INTS4: variants seen among roughly 807,000 people sequenced by gnomAD.
INTS4 encodes the protein integrator complex subunit 4.
A neutral mutation model predicts 119.5 loss-of-function variants in INTS4; 70 were observed. The observed-to-expected ratio is 0.59, with a 90% CI of 0.48 to 0.71. INTS4 has a LOEUF of 0.71. Among genes scored for constraint, INTS4 ranks in the 30% least tolerant of loss-of-function variants. The pLI, the probability that INTS4 is intolerant of heterozygous loss-of-function variation, is 0.00. For synonymous variants in INTS4, 316 were observed against 419.6 expected, an observed-to-expected ratio of 0.75 and a Z score of 3.02; for missense variants, 867 against 1,173.2, an observed-to-expected ratio of 0.74 and a Z score of 3.81.
At chr11:77,894,504 G>A (rs975112036) in intron 18 of INTS4, among the ~76,000 whole-genome samples, 155 bp from the exon 19 acceptor site, 4 of 152,156 alleles carry the variant, frequency 2.6e-5, no homozygotes, top group Admixed American at 2.6e-4. Flanking sequence ...AATGGACCTG[G>A]GGGAAACACC....
intron 21 of INTS4, among the ~76,000 whole-genome samples, chr11:77,887,779 CAG>C (rs1343093969): frequency 6.6e-6 from 1 of 152,194 alleles, no homozygotes; most frequent in Non-Finnish European, 1.5e-5. Flanking sequence ...ACGCCAATAA[CAG>C]ACAAACAGAG....
chr11:77,892,969 C>T (rs535838460), intron 19 of INTS4, among the ~76,000 whole-genome samples: 3 of 152,262 alleles, frequency 2.0e-5, no homozygotes, highest in South Asian at 4.1e-4. Context: ...TGCAACTCAG[C>T]CCTGTAAGAA....
chr11:77,959,547 C>T (rs376247311), intron 6 of INTS4, among the ~76,000 whole-genome samples: 2 of 152,156 alleles, frequency 1.3e-5, no homozygotes, highest in South Asian at 4.2e-4. Context: ...AACTAACTTC[C>T]CTTCCTCTGA....
chr11:77,936,433 A>G (rs1418404141), intron 10 of INTS4, among the ~76,000 whole-genome samples: 1 of 152,044 alleles, frequency 6.6e-6, no homozygotes, highest in Non-Finnish European at 1.5e-5. Flanking sequence ...CCCAGACTGG[A>G]GTGCACTTGT....
intron 4 of INTS4, among the ~76,000 whole-genome samples, chr11:77,967,581 C>G (rs117342389): frequency 2.0e-5 from 3 of 152,120 alleles, no homozygotes; most frequent in African/African-American, 7.2e-5. Flanking sequence ...TAATCAAAAC[C>G]TGGCAGACAC....
chr11:77,951,258 C>T (rs1369935574), intron 8 of INTS4, among the ~76,000 whole-genome samples: 1 of 152,074 alleles, frequency 6.6e-6, no homozygotes, highest in Non-Finnish European at 1.5e-5. Flanking sequence ...ATTGCTGGGT[C>T]AAATGGTATT....
intron 15 of INTS4, among the ~76,000 whole-genome samples, chr11:77,911,891 C>T (rs544525244): frequency 6.6e-6 from 1 of 152,318 alleles, no homozygotes; most frequent in South Asian, 2.1e-4. Flanking sequence ...ATTTAAGTGG[C>T]TTGCCTAAGG....
At chr11:77,991,427 T>C in intron 1 of INTS4, 128 bp from the exon 2 acceptor site, 1 of 764,074 alleles carries the variant, frequency 1.3e-6, no homozygotes, top group South Asian at 1.9e-5. Context: ...TACAGTATTA[T>C]AAACCAGAAA....
chr11:77,886,525 G>A (rs376156046), intron 21 of INTS4, among the ~76,000 whole-genome samples: 63 of 152,298 alleles, frequency 4.1e-4, no homozygotes, highest in African/African-American at 1.5e-3. Context: ...GGTAAACGGC[G>A]GGAGTAACTA....
intron 8 of INTS4, among the ~76,000 whole-genome samples, chr11:77,954,886 G>C (rs923470839): frequency 6.6e-6 from 1 of 152,098 alleles, no homozygotes; most frequent in South Asian, 2.1e-4. Flanking sequence ...CATAACAAGT[G>C]CTTAATAAAT....
intron 3 of INTS4, among the ~76,000 whole-genome samples, chr11:77,980,219 C>T (rs540362750): frequency 6.6e-6 from 1 of 152,120 alleles, no homozygotes; most frequent in South Asian, 2.1e-4. Flanking sequence ...AGAATGCCTT[C>T]CCCCACACCT....
rs1555017589 is a variant in INTS4 at position 77,884,759 on chromosome 11, C to CA, written c.2593-808_2593-807insT. ...CCCCTGATTCTACACTTCTTTCTTTCTTTTTTTTTCTTTAAAACAGGGTCT... is the reference window on the plus strand; with the variant it reads ...CCCCTGATTCTACACTTCTTTCTTTCATTTTTTTTTCTTTAAAACAGGGTCT... On this transcript the variant is annotated intron_variant, in intron 21 of 22. Transcript: ENST00000534064. 8 of 382,178 alleles carry CA rather than the reference C, an allele frequency of 2.1e-5. No homozygotes were observed. The East Asian group carries it at 5.5e-4, about 26-fold the overall frequency. 23.7% of individuals were successfully genotyped at this position (382,178 alleles called of 1,614,324 possible). A position where few individuals can be genotyped will look rare whatever the true frequency, so the allele number is the denominator to read the frequency against.
downstream of INTS4, among the ~76,000 whole-genome samples, chr11:77,874,449 C>A (rs1375462598): frequency 6.8e-6 from 1 of 147,982 alleles, no homozygotes; most frequent in African/African-American, 2.5e-5. Context: ...TGTAATCATT[C>A]TTCCTAAGTG....
At chr11:77,928,725 T>C (rs1953572450) in intron 10 of INTS4, among the ~76,000 whole-genome samples, 178 bp from the exon 11 acceptor site, 1 of 152,148 alleles carries the variant, frequency 6.6e-6, no homozygotes. Context: ...AGCGTGCGCC[T>C]GTTGTCTCAG....
intron 7 of INTS4, among the ~76,000 whole-genome samples, chr11:77,957,822 C>T (rs1383571780): frequency 6.6e-6 from 1 of 151,698 alleles, no homozygotes. Flanking sequence ...GCGTGTGCCA[C>T]CATGTCCGGC....
intron 21 of INTS4, among the ~76,000 whole-genome samples, chr11:77,886,785 C>T (rs1356648458): frequency 1.3e-5 from 2 of 152,032 alleles, no homozygotes; most frequent in Admixed American, 6.6e-5. Flanking sequence ...GCAGGCCTTG[C>T]TAAGAAACTC....
chr11:77,922,723 T>A, intron 12 of INTS4: 1 of 465,202 alleles, frequency 2.1e-6, no homozygotes, highest in South Asian at 2.1e-5. Flanking sequence ...TCTTTCTTCC[T>A]GAGAGAGCCC....
intron 4 of INTS4, among the ~76,000 whole-genome samples, chr11:77,974,375 T>C (rs1855862462): frequency 6.6e-6 from 1 of 151,466 alleles, no homozygotes; most frequent in Non-Finnish European, 1.5e-5. Flanking sequence ...CCTGAGTAGC[T>C]GGGATTACAG....
At chr11:77,981,862 T>G (rs1300165019) in intron 2 of INTS4, among the ~76,000 whole-genome samples, 1 of 152,010 alleles carries the variant, frequency 6.6e-6, no homozygotes, top group Non-Finnish European at 1.5e-5. Context: ...GGGAGACAGC[T>G]TTCTCAGTTG....
Sources: gnomAD v4.1 joint callset for allele counts (sites outside exome capture counted in the v4.1 genomes callset) on GRCh38, gnomAD v4.1.1 for gene constraint, MANE v1.5 for transcripts, NCBI Gene and HGNC (gene_info 2026-07-23, HGNC 2026-07-21) for gene names.